SCAPER: variants seen among roughly 807,000 people sequenced by gnomAD.
SCAPER encodes the protein S phase cyclin A-associated protein in the endoplasmic reticulum.
Under a neutral mutation model 182.2 loss-of-function variants are expected in SCAPER, and 98 were observed. The ratio of observed to expected loss-of-function variants is 0.54; its 90% CI spans 0.46 to 0.64. The LOEUF is 0.64. SCAPER is among the 30% of genes least tolerant of loss of function. The pLI is 0.00. For missense variants in SCAPER, 1,432 were observed against 1,690.0 expected (o/e 0.85, Z 2.68); for synonymous variants, 605 against 564.6 (o/e 1.07, Z -1.01).
chr15:76,895,671 C>CA (rs2074390626), intron 1 of SCAPER, among the ~76,000 whole-genome samples: 1 of 152,026 alleles, frequency 6.6e-6, no homozygotes, highest in Non-Finnish European at 1.5e-5. Flanking sequence ...TTGTAGTATA[C>CA]AAAATCAAAA....
At chr15:76,396,234 T>G (rs2044042029) in intron 27 of SCAPER, among the ~76,000 whole-genome samples, 1 of 152,244 alleles carries the variant, frequency 6.6e-6, no homozygotes, top group Admixed American at 6.5e-5. Context: ...ATTACAGCTT[T>G]GTATTATAAA....
In SCAPER at chr15:76,577,619, TA is replaced by T. The variant is rs571516976; in HGVS notation, c.2712-3336del. Among the ~76,000 whole-genome samples the T allele has an allele frequency of 1.1e-4, 16 of 151,970 alleles. No individual in the cohort carries two copies. In the East Asian group the frequency reaches 2.3e-3, roughly 22 times the overall value. On this transcript the variant is annotated intron_variant, in intron 22 of 31. Coordinates refer to ENST00000563290, the MANE Select transcript of SCAPER (RefSeq NM_020843.4). Reference sequence around the variant, plus strand: ...TGGGCAAAAAGGGAATGGGCTACCTTAAAGGGAAAGACCCAGTCCTGGAAGG... The same window carrying T: ...TGGGCAAAAAGGGAATGGGCTACCTTAAGGGAAAGACCCAGTCCTGGAAGG...
chr15:76,791,017 A>G (rs1429825764), intron 8 of SCAPER, among the ~76,000 whole-genome samples: 1 of 152,142 alleles, frequency 6.6e-6, no homozygotes, highest in Non-Finnish European at 1.5e-5. Context: ...CACTTTTTCT[A>G]ATTTTCATTG....
chr15:76,498,460 G>GGAGAGC, intron 24 of SCAPER: 1 of 152,244 alleles, frequency 6.6e-6, no homozygotes, highest in African/African-American at 2.4e-5. Flanking sequence ...ATAAGTCACG[G>GGAGAGC]GAGAGCAATT....
intron 7 of SCAPER, among the ~76,000 whole-genome samples, chr15:76,798,751 A>C (rs2065524479): frequency 6.6e-6 from 1 of 152,204 alleles, no homozygotes; most frequent in Admixed American, 6.5e-5. Context: ...AAGGAAACAT[A>C]AAGTGCTGAA....
chr15:76,719,223 T>C (rs967028576), intron 17 of SCAPER, among the ~76,000 whole-genome samples: 4 of 152,118 alleles, frequency 2.6e-5, no homozygotes, highest in African/African-American at 9.7e-5. Flanking sequence ...GAACAAGACA[T>C]TGTCATTTGC....
At chr15:76,450,623 G>A (rs192677702) in intron 25 of SCAPER, among the ~76,000 whole-genome samples, 33 of 152,160 alleles carry the variant, frequency 2.2e-4, no homozygotes, top group African/African-American at 8.0e-4. Context: ...GCCCAATCTC[G>A]GCTCACTGCA....
At chr15:76,823,916 A>C (rs1005918989) in intron 5 of SCAPER, among the ~76,000 whole-genome samples, 2 of 152,202 alleles carry the variant, frequency 1.3e-5, no homozygotes, top group African/African-American at 4.8e-5. Flanking sequence ...AAAAAAAAAA[A>C]AACTAACTAA....
intron 21 of SCAPER, among the ~76,000 whole-genome samples, chr15:76,647,719 G>C (rs1271266151): frequency 6.6e-6 from 1 of 152,160 alleles, no homozygotes. Context: ...TAACTATCCA[G>C]GAACTGTAAG....
At chr15:76,572,799 C>T (rs1451169890) in intron 23 of SCAPER, among the ~76,000 whole-genome samples, 2 of 151,882 alleles carry the variant, frequency 1.3e-5, no homozygotes, top group Admixed American at 6.6e-5. Flanking sequence ...CCGATGTAGA[C>T]GAAAGCCTGA....
intron 17 of SCAPER, among the ~76,000 whole-genome samples, chr15:76,708,481 A>G (rs1456556204): frequency 6.6e-6 from 1 of 152,080 alleles, no homozygotes; most frequent in Non-Finnish European, 1.5e-5. Context: ...AAAAAAGAAA[A>G]AACAAAAAAG....
chr15:76,830,034 C>T (rs1055631547), intron 5 of SCAPER, among the ~76,000 whole-genome samples: 2 of 152,108 alleles, frequency 1.3e-5, no homozygotes, highest in African/African-American at 4.8e-5. Flanking sequence ...GAAAGTGACA[C>T]TTAGGCTGAA....
At chr15:76,863,138 GA>G (rs1206810856) in intron 2 of SCAPER, among the ~76,000 whole-genome samples, 5 of 152,162 alleles carry the variant, frequency 3.3e-5, no homozygotes, top group African/African-American at 9.7e-5. Context: ...ACGGGCCTAA[GA>G]TTCAGCCCCA....
chr15:76,767,267 T>C (rs1330783211), intron 10 of SCAPER, among the ~76,000 whole-genome samples, 179 bp from the exon 11 acceptor site: 1 of 152,196 alleles, frequency 6.6e-6, no homozygotes, highest in African/African-American at 2.4e-5. Flanking sequence ...TAGAAGCTTC[T>C]AAAAACCAAG....
At chr15:76,420,685 T>C (rs2045968622) in intron 26 of SCAPER, among the ~76,000 whole-genome samples, 1 of 152,190 alleles carries the variant, frequency 6.6e-6, no homozygotes, top group Non-Finnish European at 1.5e-5. Flanking sequence ...GTTTGTTACA[T>C]ATGTATACAT....
intron 17 of SCAPER, among the ~76,000 whole-genome samples, chr15:76,719,122 C>G (rs1249603275): frequency 6.6e-6 from 1 of 152,086 alleles, no homozygotes; most frequent in Non-Finnish European, 1.5e-5. Flanking sequence ...TGGCATTATT[C>G]ATAATAGCCA....
chr15:76,847,964 T>C (rs530289727), intron 4 of SCAPER, among the ~76,000 whole-genome samples: 1 of 152,296 alleles, frequency 6.6e-6, no homozygotes, highest in Non-Finnish European at 1.5e-5. Context: ...GCTCTCTCCC[T>C]GTATTTAGCA....
At chr15:76,726,156 A>ATATATATATATATATATAT (rs56986282) in intron 17 of SCAPER, among the ~76,000 whole-genome samples, 2,190 of 79,480 alleles carry the variant, frequency 0.028, 288 homozygotes, top group Non-Finnish European at 0.03. Context: ...TATATATATA[A>ATATATATATATATATATAT]AAAACTCTAT....
At chr15:76,411,542 G>A (rs2045288602) in intron 26 of SCAPER, among the ~76,000 whole-genome samples, 1 of 152,090 alleles carries the variant, frequency 6.6e-6, no homozygotes. Context: ...GGATGTATAT[G>A]TTATTTACAG....
Sources: allele counts gnomAD v4.1 joint callset (sites outside exome capture counted in the v4.1 genomes callset), GRCh38; gene constraint gnomAD v4.1.1; transcripts MANE v1.5; gene names NCBI Gene and HGNC (gene_info 2026-07-23, HGNC 2026-07-21).